COL6A6: variants seen among roughly 807,000 people sequenced by gnomAD.
The protein encoded by COL6A6 is collagen alpha-6(VI) chain.
COL6A6 carries 183 observed loss-of-function variants against 208.6 expected under a neutral mutation model. That is an observed-to-expected ratio of 0.88 (90% CI 0.78 to 0.99). COL6A6 has a LOEUF of 0.99. Among genes scored for constraint, COL6A6 ranks in the 50% least tolerant of loss-of-function variants. The pLI, the probability that COL6A6 is intolerant of heterozygous loss-of-function variation, is 0.00. For missense variants in COL6A6, 2,816 were observed against 2,815.2 expected (o/e 1.00, Z -0.01); for synonymous variants, 973 against 1,011.8 (o/e 0.96, Z 0.73).
At chr3:130,640,825 A>G (rs2065286197) in intron 28 of COL6A6, among the ~76,000 whole-genome samples, 1 of 152,126 alleles carries the variant, frequency 6.6e-6, no homozygotes. Flanking sequence ...CTGTTGTTTT[A>G]AAAGTTTTTG....
At chr3:130,586,687 G>A in intron 11 of COL6A6, 27 bp downstream of exon 11, 1 of 1,588,932 alleles carries the variant, frequency 6.3e-7, no homozygotes, top group Non-Finnish European at 8.5e-7. Context: ...AGGCTGGTGA[G>A]CTTAAATTTT....
Position 130,635,769 on chromosome 3 carries a change from T to C in COL6A6, c.5091+8T>C. 1 of 1,606,488 alleles carries C rather than the reference T, an allele frequency of 6.2e-7. No individual in the cohort carries two copies. The highest frequency in any genetic ancestry group is 1.1e-5 in the South Asian group (1 of 90,586). The stretch of plus-strand genomic sequence containing the variant: ...GGAGCTAGAGGCAAAATGGTAAGCT[T>C]CTTAGATTCCAATTGCTGACAACCT... On this transcript the variant is annotated splice_region_variant and intron_variant, in intron 28 of 36. Coordinates refer to ENST00000358511, the MANE Select transcript of COL6A6 (RefSeq NM_001102608.3).
At chr3:130,645,942 GC>G (rs1166577641) in intron 32 of COL6A6, among the ~76,000 whole-genome samples, 1 of 152,166 alleles carries the variant, frequency 6.6e-6, no homozygotes, top group Non-Finnish European at 1.5e-5. Context: ...TTTGTTGAAA[GC>G]CTAGTAAGTG....
chr3:130,534,725 C>T (rs144157358), intron 1 of COL6A6, among the ~76,000 whole-genome samples: 1 of 152,132 alleles, frequency 6.6e-6, no homozygotes, highest in African/African-American at 2.4e-5. Context: ...TTTAAACCAC[C>T]CTGGGTTATT....
intron 33 of COL6A6, among the ~76,000 whole-genome samples, chr3:130,654,836 C>A (rs2065745537): frequency 6.6e-6 from 1 of 152,154 alleles, no homozygotes; most frequent in Non-Finnish European, 1.5e-5. Flanking sequence ...GAGGCTAGGG[C>A]TTTTCAAGGA....
In COL6A6 at chr3:130,661,929, GC is replaced by G; in HGVS notation, c.6124del (p.Arg2042AlafsTer3). ...TCAATCTTACCACCTACAGAAGTAAGCGCCTCATGAAGAGGCATGTGCACGA... is the reference window on the plus strand; with the variant it reads ...TCAATCTTACCACCTACAGAAGTAAGGCCTCATGAAGAGGCATGTGCACGA... ...EFNLTTYRSK[R>X]LMKRHVHESV... On this transcript the variant is annotated frameshift_variant, in exon 35 of 37. Coordinates refer to ENST00000358511, the MANE Select transcript of COL6A6 (RefSeq NM_001102608.3). LOFTEE classifies it high-confidence loss of function. The G allele has an allele frequency of 6.2e-7, 1 of 1,614,010 alleles. No homozygotes were observed. Among genetic ancestry groups the G allele is most frequent in the Non-Finnish European group, 8.5e-7 (1 of 1,179,890 alleles).
In COL6A6 at chr3:130,643,171, G is replaced by T; in HGVS notation, c.5227+148G>T. The T allele has an allele frequency of 3.9e-6, 3 of 769,520 alleles. No individual in the cohort carries two copies. The South Asian group carries it at 5.1e-5, about 13-fold the overall frequency. 47.7% of individuals were successfully genotyped at this position (769,520 alleles called of 1,614,324 possible). A position where few individuals can be genotyped will look rare whatever the true frequency, so the allele number is the denominator to read the frequency against. On this transcript the variant is annotated intron_variant, in intron 31 of 36. Transcript: ENST00000358511. ...TATTTTTGAGTCAGCATAGACTGGT[G>T]ACTTTTAACTCCCTCTCTGGTTGCT...
At chr3:130,623,688 A>G (rs1354144456) in intron 24 of COL6A6, among the ~76,000 whole-genome samples, 1 of 152,164 alleles carries the variant, frequency 6.6e-6, no homozygotes, top group Non-Finnish European at 1.5e-5. Flanking sequence ...TAGGAAAGTC[A>G]TTAGGAAGAG....
intron 15 of COL6A6, 135 bp downstream of exon 15, chr3:130,592,857 T>C: frequency 1.1e-6 from 1 of 931,818 alleles, no homozygotes; most frequent in East Asian, 2.5e-5. Flanking sequence ...CCATTTCATT[T>C]TGTTTCTTCT....
intron 2 of COL6A6, 54 bp downstream of exon 2, chr3:130,560,482 C>A: frequency 6.8e-7 from 1 of 1,471,066 alleles, no homozygotes; most frequent in Non-Finnish European, 9.4e-7. Flanking sequence ...ATAGATAATA[C>A]ATGAGTTTGA....
In COL6A6 at chr3:130,587,454, G is replaced by A. The variant is rs147749672; in HGVS notation, c.4125+794G>A. On this transcript the variant is annotated intron_variant, in intron 11 of 36. Coordinates refer to ENST00000358511, the MANE Select transcript of COL6A6 (RefSeq NM_001102608.3). ...TTTTTGTATATTTAGTAGAAACAGG[G>A]TTTTGCCATGTTGGCCAGGCTGGTC... 5.5e-4 allele frequency among the ~76,000 whole-genome samples: 84 copies of A among 152,294 alleles called. No homozygotes were observed. In the East Asian group the frequency reaches 0.015, roughly 28 times the overall value.
chr3:130,627,325 G>A lies in COL6A6; in HGVS notation c.4948G>A (p.Asp1650Asn). The change falls in exon 26 of 37, where the codon GAT (aspartate) becomes AAT (asparagine). Residue 1650 changes from aspartate to asparagine, a missense_variant. Physicochemically the swap from Asp to Asn is conservative, Grantham distance 23. Coordinates refer to ENST00000358511, the MANE Select transcript of COL6A6 (RefSeq NM_001102608.3). ...FPGPRGLQGNDGSPGYGSVGR... is the reference protein window; with the variant it reads ...FPGPRGLQGNNGSPGYGSVGR... Reference sequence around the variant, plus strand: ...TCAATTGCTCTGTTTACAGGGCAATGATGGCAGTCCAGGTTATGGTAGTGT... The same window carrying A: ...TCAATTGCTCTGTTTACAGGGCAATAATGGCAGTCCAGGTTATGGTAGTGT... 6.2e-7 allele frequency: 1 copy of A among 1,613,658 alleles called. No individual in the cohort carries two copies. Among genetic ancestry groups the A allele is most frequent in the Non-Finnish European group, 8.5e-7 (1 of 1,179,578 alleles).
At chr3:130,627,626 T>G (rs2064930857) in intron 26 of COL6A6, among the ~76,000 whole-genome samples, 1 of 152,232 alleles carries the variant, frequency 6.6e-6, no homozygotes, top group Admixed American at 6.5e-5. Flanking sequence ...CTAGTCTGAC[T>G]TGTTCCAGCC....
rs1166609425 is a variant in COL6A6 at position 130,650,600 on chromosome 3, C to T, written c.5733+1038C>T. Among the ~76,000 whole-genome samples the T allele has an allele frequency of 7.1e-5, 10 of 140,332 alleles. No homozygotes were observed. In the Admixed American group the frequency reaches 7.5e-4, roughly 11 times the overall value. The allele number at this position is 140,332 out of a possible 152,430, so 92.1% of individuals were successfully genotyped here. ...ACTCCAGCCTGGGTGACAGAGTGAG[C>T]CTCTGTCTCCAAAAAAAAAAAGAAA... On this transcript the variant is annotated intron_variant, in intron 33 of 36. Transcript: ENST00000358511.
rs1212466464 is a variant in COL6A6 at position 130,676,039 on chromosome 3, T to TTTTCTCTTCATTAGGAAGC, written c.*645_*663dup. The TTTTCTCTTCATTAGGAAGC allele has an allele frequency of 1.1e-4, 17 of 152,332 alleles. 1 individual carries two copies. The highest frequency in any genetic ancestry group is 9.1e-4 in the Admixed American group (14 of 15,302). 9.4% of individuals were successfully genotyped at this position (152,332 alleles called of 1,614,324 possible). ...TAAATTATTGCTTTTGAGCTGGAAG[T>TTTTCTCTTCATTAGGAAGC]TTTCTCTTCATTAGGAAGCTTACTG... On this transcript the variant is annotated 3_prime_UTR_variant, in exon 37 of 37. Transcript: ENST00000358511.
At chr3:130,536,137 T>C (rs920665016) in intron 1 of COL6A6, among the ~76,000 whole-genome samples, 2 of 151,400 alleles carry the variant, frequency 1.3e-5, no homozygotes, top group East Asian at 3.8e-4. Flanking sequence ...ACTTCTCCAA[T>C]AGTTAGTCTT....
rs1195386176 is a variant in COL6A6 at position 130,598,358 on chromosome 3, T to C, written c.4534-7T>C. 5 of 1,534,324 alleles carry C rather than the reference T, an allele frequency of 3.3e-6. No homozygotes were observed. The highest frequency in any genetic ancestry group is 4.4e-6 in the Non-Finnish European group (5 of 1,132,354). On this transcript the variant is annotated splice_region_variant and splice_polypyrimidine_tract_variant and intron_variant, in intron 18 of 36. Transcript: ENST00000358511. ...TATTAATTTTTCTCTTTATTTTCTA[T>C]TTTTAGGGAGCTCCTGGAGTTGACA...
At chr3:130,519,337 T>TA in intron 1 of COL6A6, among the ~76,000 whole-genome samples, 1 of 152,260 alleles carries the variant, frequency 6.6e-6, no homozygotes, top group Admixed American at 6.5e-5. Flanking sequence ...CTGGAATTCC[T>TA]CAAAAATATG....
At chr3:130,564,122 T>A (rs1343543313) in intron 3 of COL6A6, among the ~76,000 whole-genome samples, 1 of 152,176 alleles carries the variant, frequency 6.6e-6, no homozygotes, top group Non-Finnish European at 1.5e-5. Context: ...AAAAAGAACT[T>A]ATATATATCC....
Sources: allele counts gnomAD v4.1 joint callset (sites outside exome capture counted in the v4.1 genomes callset), GRCh38; gene constraint gnomAD v4.1.1; transcripts MANE v1.5; gene names NCBI Gene and HGNC (gene_info 2026-07-23, HGNC 2026-07-21).